SOX5: variants seen among roughly 807,000 people sequenced by gnomAD.
SOX5 encodes the protein SRY-box transcription factor 5.
A neutral mutation model predicts 92.0 loss-of-function variants in SOX5; 9 were observed. The observed-to-expected ratio is 0.10, with a 90% confidence interval of 0.06 to 0.17. The LOEUF (loss-of-function observed/expected upper bound fraction) is 0.17, where lower values mean the gene tolerates loss of function less well. Among genes scored for constraint, SOX5 ranks in the 10% least tolerant of loss-of-function variants. The probability of loss-of-function intolerance (pLI) is 1.00; values close to 1 mark genes in which losing one functional copy is unlikely to be tolerated. For synonymous variants in SOX5, 344 were observed against 336.3 expected (o/e 1.02, Z -0.25); for missense variants, 642 against 944.5 (o/e 0.68, Z 4.20).
At chr12:23,702,787 T>A (rs950977052) in intron 6 of SOX5, among the ~76,000 whole-genome samples, 1 of 151,872 alleles carries the variant, frequency 6.6e-6, no homozygotes, top group Admixed American at 6.6e-5. Context: ...TACACATGCA[T>A]GTATATATGT....
chr12:23,845,864 G>T, intron 3 of SOX5, 119 bp downstream of exon 3: 1 of 788,078 alleles, frequency 1.3e-6, no homozygotes, highest in Middle Eastern at 2.3e-4. Flanking sequence ...ATAGCAATAG[G>T]TTTCCATCTT....
At chr12:23,922,074 T>C (rs902151730) in intron 1 of SOX5, among the ~76,000 whole-genome samples, 1 of 152,152 alleles carries the variant, frequency 6.6e-6, no homozygotes, top group African/African-American at 2.4e-5. Flanking sequence ...ACTCCCCCCC[T>C]GGGCTCCCAC....
At chr12:23,781,328 C>G (rs957108293) in intron 3 of SOX5, among the ~76,000 whole-genome samples, 9 of 151,698 alleles carry the variant, frequency 5.9e-5, no homozygotes, top group African/African-American at 2.2e-4. Flanking sequence ...AGCTGCCTCC[C>G]TTTCTAATCT....
chr12:23,651,522 A>T (rs2081560951), intron 7 of SOX5, among the ~76,000 whole-genome samples: 1 of 152,140 alleles, frequency 6.6e-6, no homozygotes, highest in South Asian at 2.1e-4. Context: ...AAGCACTAAA[A>T]GGTACAATCC....
intron 6 of SOX5, among the ~76,000 whole-genome samples, chr12:23,695,011 T>C (rs2089551214): frequency 6.6e-6 from 1 of 151,922 alleles, no homozygotes; most frequent in Non-Finnish European, 1.5e-5. Flanking sequence ...TCCTAGCTAC[T>C]TGCAAGGCTG....
intron 4 of SOX5, among the ~76,000 whole-genome samples, chr12:24,001,447 T>TA (rs776821693): frequency 7.9e-5 from 12 of 151,850 alleles, no homozygotes; most frequent in East Asian, 1.9e-4. Flanking sequence ...AAAAGAAAGT[T>TA]TAAAAAAATC....
intron 1 of SOX5, among the ~76,000 whole-genome samples, chr12:24,413,200 A>T (rs1390754510): frequency 6.6e-6 from 1 of 152,158 alleles, no homozygotes; most frequent in Non-Finnish European, 1.5e-5. Flanking sequence ...TTTCAATTTA[A>T]TCAGTTTTGC....
chr12:24,274,784 G>T (rs1382789381), intron 3 of SOX5, among the ~76,000 whole-genome samples: 1 of 151,834 alleles, frequency 6.6e-6, no homozygotes. Context: ...AATATTCTAA[G>T]GTAACATAAT....
At chr12:23,981,057 C>A (rs1280082952) in intron 4 of SOX5, among the ~76,000 whole-genome samples, 1 of 152,152 alleles carries the variant, frequency 6.6e-6, no homozygotes, top group Non-Finnish European at 1.5e-5. Context: ...TAGTCTGAAG[C>A]TACCACAGTC....
intron 1 of SOX5, among the ~76,000 whole-genome samples, chr12:24,532,219 C>A (rs1468017091): frequency 2.6e-5 from 4 of 152,008 alleles, no homozygotes; most frequent in Non-Finnish European, 5.9e-5. Context: ...TGCAGAAAAC[C>A]AAAAGATCTA....
intron 4 of SOX5, among the ~76,000 whole-genome samples, chr12:24,202,189 G>A (rs550106331): frequency 3.3e-5 from 5 of 152,180 alleles, no homozygotes; most frequent in Admixed American, 6.5e-5. Flanking sequence ...ATAGGACCCA[G>A]TTCACAGTGT....
chr12:24,164,708 T>C (rs1953181041), intron 4 of SOX5, among the ~76,000 whole-genome samples: 1 of 152,100 alleles, frequency 6.6e-6, no homozygotes, highest in Admixed American at 6.6e-5. Context: ...AAGGGTTACT[T>C]TTCACTTGTG....
intron 1 of SOX5, among the ~76,000 whole-genome samples, chr12:24,559,363 G>T (rs933054055): frequency 1.1e-4 from 17 of 152,072 alleles, no homozygotes; most frequent in African/African-American, 4.1e-4. Context: ...AATTATACCT[G>T]CTGGAAATCT....
chr12:24,273,829 C>T (rs1257298178), intron 3 of SOX5, among the ~76,000 whole-genome samples: 6 of 152,120 alleles, frequency 3.9e-5, no homozygotes, highest in African/African-American at 1.4e-4. Context: ...ATAAATTTCC[C>T]AGTAAATACT....
At chr12:23,713,571 C>T (rs191914074) in intron 6 of SOX5, among the ~76,000 whole-genome samples, 1 of 151,818 alleles carries the variant, frequency 6.6e-6, no homozygotes, top group East Asian at 1.9e-4. Flanking sequence ...TTATCTGAAT[C>T]ATTAATACTG....
chr12:24,205,906 T>C (rs1460271478), intron 4 of SOX5, among the ~76,000 whole-genome samples: 1 of 152,062 alleles, frequency 6.6e-6, no homozygotes, highest in Non-Finnish European at 1.5e-5. Flanking sequence ...AAGGGAAAAA[T>C]AAAAAGATGT....
chr12:23,985,554 G>A (rs534910429), intron 4 of SOX5, among the ~76,000 whole-genome samples: 1 of 152,092 alleles, frequency 6.6e-6, no homozygotes, highest in Non-Finnish European at 1.5e-5. Flanking sequence ...TGACCAAAAG[G>A]TTCTGCATAA....
chr12:23,677,802 G>C (rs1320679880), intron 6 of SOX5, among the ~76,000 whole-genome samples: 1 of 152,140 alleles, frequency 6.6e-6, no homozygotes, highest in Non-Finnish European at 1.5e-5. Context: ...AGAGTATACT[G>C]AGTCAGTAAT....
At chr12:24,266,096 T>C (rs1594955711) in intron 3 of SOX5, among the ~76,000 whole-genome samples, 1 of 145,458 alleles carries the variant, frequency 6.9e-6, no homozygotes, top group Non-Finnish European at 1.5e-5. Flanking sequence ...TTTATTTTGG[T>C]GGAGATGGGG....
Sources: allele counts gnomAD v4.1 joint callset (sites outside exome capture counted in the v4.1 genomes callset), GRCh38; gene constraint gnomAD v4.1.1; transcripts MANE v1.5; gene names NCBI Gene and HGNC (gene_info 2026-07-23, HGNC 2026-07-21).